BRINP3: variants seen among roughly 807,000 people sequenced by gnomAD.
The protein encoded by BRINP3 is BMP/retinoic acid-inducible neural-specific protein 3.
A neutral mutation model predicts 71.0 loss-of-function variants in BRINP3; 19 were observed. That is an observed-to-expected ratio of 0.27 (90% confidence interval 0.19 to 0.39). The LOEUF is 0.39. BRINP3 is among the 10% of genes least tolerant of loss of function. The pLI, the probability that BRINP3 is intolerant of heterozygous loss-of-function variation, is 1.00. For synonymous variants in BRINP3, 380 were observed against 337.7 expected (o/e 1.13, Z -1.37); for missense variants, 959 against 940.8 (o/e 1.02, Z -0.25).
At position 190,367,731 on chromosome 1, in the gene BRINP3, G is replaced by A. The variant is rs147176503; in HGVS notation, c.237-85981C>T. Among the ~76,000 whole-genome samples, 1,305 of 152,244 alleles carry A rather than the reference G, an allele frequency of 8.6e-3. 22 individuals carry two copies. Among genetic ancestry groups the A allele is most frequent in the African/African-American group, 0.03 (1,251 of 41,542 alleles). On this transcript the variant is annotated intron_variant, in intron 2 of 7. Coordinates refer to ENST00000367462, the MANE Select transcript of BRINP3 (RefSeq NM_199051.3). ...CAAAGTTCCACAGATATCTAAGGCAGGGGCAAAATGCCACCAGTCTCTTTG... is the reference window on the plus strand; with the variant it reads ...CAAAGTTCCACAGATATCTAAGGCAAGGGCAAAATGCCACCAGTCTCTTTG...
chr1:190,390,052 C>A (rs768530448), intron 2 of BRINP3, among the ~76,000 whole-genome samples: 4 of 151,724 alleles, frequency 2.6e-5, no homozygotes, highest in Non-Finnish European at 5.9e-5. Context: ...GAAAAACAAA[C>A]CTCTTTGATA....
chr1:190,148,348 A>C (rs999948981), intron 7 of BRINP3, among the ~76,000 whole-genome samples: 6 of 151,804 alleles, frequency 4.0e-5, no homozygotes, highest in African/African-American at 1.5e-4. Flanking sequence ...TCATCCCAAC[A>C]CTTTGGGAGG....
chr1:190,184,380 T>A (rs1461850345), intron 6 of BRINP3, among the ~76,000 whole-genome samples: 2 of 152,104 alleles, frequency 1.3e-5, no homozygotes, highest in Non-Finnish European at 2.9e-5. Flanking sequence ...CCCATTATTG[T>A]TTATATACCC....
intron 7 of BRINP3, among the ~76,000 whole-genome samples, chr1:190,146,401 C>G (rs1375030857): frequency 6.6e-6 from 1 of 152,130 alleles, no homozygotes; most frequent in African/African-American, 2.4e-5. Context: ...AATCAAATTG[C>G]TACATACACG....
intron 3 of BRINP3, among the ~76,000 whole-genome samples, chr1:190,269,227 T>C (rs983521464): frequency 2.6e-5 from 4 of 152,106 alleles, no homozygotes; most frequent in Non-Finnish European, 4.4e-5. Context: ...TTTTACTAAG[T>C]GACACCTAAA....
At chr1:190,121,331 T>C (rs1439304755) in intron 7 of BRINP3, among the ~76,000 whole-genome samples, 5 of 151,988 alleles carry the variant, frequency 3.3e-5, no homozygotes, top group Non-Finnish European at 7.4e-5. Flanking sequence ...AAAACTGATT[T>C]TACAAAAACA....
At chr1:190,114,883 T>C (rs542386289) in intron 7 of BRINP3, among the ~76,000 whole-genome samples, 21 of 152,290 alleles carry the variant, frequency 1.4e-4, no homozygotes, top group Admixed American at 3.9e-4. Flanking sequence ...TGCTCATATA[T>C]CTGTACAATT....
At chr1:190,293,446 C>T (rs1286741950) in intron 2 of BRINP3, among the ~76,000 whole-genome samples, 4 of 152,262 alleles carry the variant, frequency 2.6e-5, no homozygotes, top group African/African-American at 4.8e-5. Context: ...TACATATCAT[C>T]TATCCTGAAG....
At chr1:190,367,302 C>CT (rs1669569713) in intron 2 of BRINP3, among the ~76,000 whole-genome samples, 1 of 152,152 alleles carries the variant, frequency 6.6e-6, no homozygotes, top group Non-Finnish European at 1.5e-5. Flanking sequence ...AGCAATGGCC[C>CT]TACCTGTACC....
chr1:190,244,861 A>G (rs1358606719), intron 4 of BRINP3, among the ~76,000 whole-genome samples: 1 of 152,034 alleles, frequency 6.6e-6, no homozygotes, highest in East Asian at 1.9e-4. Context: ...CTTCTATCAA[A>G]AATTTTCAAT....
At chr1:190,274,760 G>C (rs1184679513) in intron 3 of BRINP3, among the ~76,000 whole-genome samples, 1 of 151,496 alleles carries the variant, frequency 6.6e-6, no homozygotes, top group Non-Finnish European at 1.5e-5. Context: ...ACACAGCCTG[G>C]TGAGATCTAT....
At chr1:190,446,312 A>AG (rs1675216882) in intron 2 of BRINP3, among the ~76,000 whole-genome samples, 1 of 152,076 alleles carries the variant, frequency 6.6e-6, no homozygotes, top group South Asian at 2.1e-4. Context: ...ATCACTACCT[A>AG]GAATACTCCT....
chr1:190,369,405 A>C (rs1669714522), intron 2 of BRINP3, among the ~76,000 whole-genome samples: 1 of 152,248 alleles, frequency 6.6e-6, no homozygotes, highest in Admixed American at 6.5e-5. Context: ...AATATAATTA[A>C]GCTTTAAATT....
At chr1:190,476,383 A>G (rs1571417801) in intron 1 of BRINP3, among the ~76,000 whole-genome samples, 1 of 151,532 alleles carries the variant, frequency 6.6e-6, no homozygotes, top group East Asian at 1.9e-4. Flanking sequence ...TTCAGAGAAA[A>G]CCCTCAGTGG....
At chr1:190,146,482 C>T (rs1165284085) in intron 7 of BRINP3, among the ~76,000 whole-genome samples, 2 of 152,116 alleles carry the variant, frequency 1.3e-5, no homozygotes, top group Non-Finnish European at 2.9e-5. Flanking sequence ...TAAATATTCA[C>T]TATTTTAATT....
chr1:190,215,424 G>A (rs867916744), intron 6 of BRINP3, among the ~76,000 whole-genome samples: 4 of 151,846 alleles, frequency 2.6e-5, no homozygotes, highest in Non-Finnish European at 5.9e-5. Flanking sequence ...TAGCATGTTA[G>A]TTAAAATTCA....
chr1:190,194,827 G>A (rs143489838), intron 6 of BRINP3, among the ~76,000 whole-genome samples: 1 of 152,038 alleles, frequency 6.6e-6, no homozygotes, highest in Non-Finnish European at 1.5e-5. Flanking sequence ...TCTAGAAGTA[G>A]TAGTAGCTAA....
Position 190,099,007 on chromosome 1 carries a change from A to G in BRINP3, c.1312T>C (p.Phe438Leu). The G allele has an allele frequency of 6.2e-7, 1 of 1,614,146 alleles. No individual in the cohort carries two copies. Among genetic ancestry groups the G allele is most frequent in the Non-Finnish European group, 8.5e-7 (1 of 1,180,016 alleles). ...CPNDQVVCTA[F>L]LPCTVGDASA... ...GCGTCTCCCACTGTGCAGGGCAGGA[A>G]CGCGGTGCAGACCACCTGGTCATTC... The change falls in exon 8 of 8, where the codon TTC becomes CTC. Residue 438 changes from phenylalanine to leucine, a missense_variant. Transcript: ENST00000367462.
intron 2 of BRINP3, among the ~76,000 whole-genome samples, chr1:190,327,326 C>CAAAAAAAAAAAAAAAAAAAAAAA (rs1227478693): frequency 1.1e-4 from 5 of 44,240 alleles, no homozygotes; most frequent in Admixed American, 3.1e-4. Flanking sequence ...AAAAAAAGAA[C>CAAAAAAAAAAAAAAAAAAAAAAA]AAAAAAAAAA....
Sources: allele counts gnomAD v4.1 joint callset (sites outside exome capture counted in the v4.1 genomes callset), GRCh38; gene constraint gnomAD v4.1.1; transcripts MANE v1.5; gene names NCBI Gene and HGNC (gene_info 2026-07-23, HGNC 2026-07-21).